The following TENM2 variants were observed in gnomAD, a reference collection of about 807,000 sequenced individuals.
TENM2 encodes the protein teneurin-2.
TENM2 carries 52 observed loss-of-function variants against 245.2 expected under a neutral mutation model. The ratio of observed to expected loss-of-function variants is 0.21; its 90% CI spans 0.17 to 0.27. TENM2 has a LOEUF of 0.27. Ranked by LOEUF, TENM2 falls within the 10% of genes least tolerant of loss-of-function variation. TENM2 has a pLI of 1.00. For synonymous variants in TENM2, 1,363 were observed against 1,438.9 expected (o/e 0.95, Z 1.19); for missense variants, 3,046 against 3,666.8 (o/e 0.83, Z 4.37).
At chr5:167,991,296 T>A (rs1783646992) in intron 4 of TENM2, among the ~76,000 whole-genome samples, 1 of 152,242 alleles carries the variant, frequency 6.6e-6, no homozygotes, top group African/African-American at 2.4e-5. Context: ...ACTTCATTCA[T>A]TCACTCATTC....
chr5:167,842,988 C>T (rs1769690225), intron 2 of TENM2, among the ~76,000 whole-genome samples: 1 of 152,130 alleles, frequency 6.6e-6, no homozygotes. Flanking sequence ...TCCTACATAG[C>T]ACTTACCTCA....
chr5:167,172,254 ATCTTT>A, the TENM2 span, among the ~76,000 whole-genome samples: 1 of 152,206 alleles, frequency 6.6e-6, no homozygotes, highest in Middle Eastern at 3.2e-3. Flanking sequence ...GAAAAGGGTG[ATCTTT>A]TCTTTTCTGA....
intron 2 of TENM2, among the ~76,000 whole-genome samples, chr5:167,519,075 A>G (rs912052070): frequency 2.6e-5 from 4 of 152,146 alleles, no homozygotes; most frequent in African/African-American, 9.6e-5. Flanking sequence ...CAAGGCTTGA[A>G]TCCATAATGT....
chr5:168,214,797 A>C (rs759083104), intron 20 of TENM2: 1 of 599,624 alleles, frequency 1.7e-6, no homozygotes, highest in South Asian at 1.5e-5. Flanking sequence ...ATGAAGCAAC[A>C]GTTGTTTAGC....
intron 2 of TENM2, among the ~76,000 whole-genome samples, chr5:167,667,621 G>A (rs1755658470): frequency 6.6e-6 from 1 of 152,184 alleles, no homozygotes; most frequent in Non-Finnish European, 1.5e-5. Flanking sequence ...GAAGGAGGGA[G>A]GTTGGAGAAA....
At chr5:167,210,611 C>A in the TENM2 span, among the ~76,000 whole-genome samples, 2 of 151,448 alleles carry the variant, frequency 1.3e-5, no homozygotes, top group African/African-American at 4.9e-5. Flanking sequence ...CTACAGGCGC[C>A]CGCCACCGCG....
chr5:167,446,076 ATCT>A (rs1352124692), intron 2 of TENM2, among the ~76,000 whole-genome samples: 1 of 152,196 alleles, frequency 6.6e-6, no homozygotes, highest in African/African-American at 2.4e-5. Context: ...TTCAAAAATT[ATCT>A]TCTTGTTTCC....
chr5:167,554,862 G>GCTCCTCCTC (rs561609926), intron 2 of TENM2, among the ~76,000 whole-genome samples: 5 of 151,380 alleles, frequency 3.3e-5, no homozygotes, highest in African/African-American at 1.2e-4. Flanking sequence ...CTCTCTCTCT[G>GCTCCTCCTC]CTCCTCCTCC....
intron 2 of TENM2, among the ~76,000 whole-genome samples, chr5:167,738,700 G>A (rs2150582329): frequency 6.6e-6 from 1 of 152,238 alleles, no homozygotes; most frequent in South Asian, 2.1e-4. Context: ...GTGTCAGCAG[G>A]TGTGGTTTTT....
intron 27 of TENM2, among the ~76,000 whole-genome samples, chr5:168,254,144 G>A (rs1208358619): frequency 1.3e-5 from 2 of 152,358 alleles, no homozygotes; most frequent in African/African-American, 2.4e-5. Context: ...GAGGGAGAAC[G>A]CGCTTTGGCG....
intron 1 of TENM2, among the ~76,000 whole-genome samples, chr5:167,304,509 A>G (rs1755548949): frequency 6.6e-6 from 1 of 152,228 alleles, no homozygotes; most frequent in Non-Finnish European, 1.5e-5. Context: ...TGTGTAGTGC[A>G]GGACTTCTTG....
chr5:167,629,468 A>G (rs998365349), intron 2 of TENM2, among the ~76,000 whole-genome samples: 2 of 152,214 alleles, frequency 1.3e-5, no homozygotes, highest in African/African-American at 2.4e-5. Context: ...CTCATGCACA[A>G]TGCCATGTTG....
the TENM2 span, among the ~76,000 whole-genome samples, chr5:167,009,021 T>C: frequency 6.6e-6 from 1 of 152,272 alleles, no homozygotes; most frequent in African/African-American, 2.4e-5. Context: ...AGTGTGTGGT[T>C]GTCAAGCATT....
chr5:167,857,235 C>G (rs768685871), intron 2 of TENM2, among the ~76,000 whole-genome samples: 1 of 152,168 alleles, frequency 6.6e-6, no homozygotes, highest in African/African-American at 2.4e-5. Flanking sequence ...GAATGTGGCT[C>G]TTTTTCGTAG....
At chr5:166,997,988 TA>T in the TENM2 span, among the ~76,000 whole-genome samples, 2 of 152,144 alleles carry the variant, frequency 1.3e-5, no homozygotes, top group East Asian at 3.9e-4. Context: ...TATATGTACA[TA>T]ATGTACAAAA....
At chr5:167,410,535 T>G (rs1229368874) in intron 2 of TENM2, among the ~76,000 whole-genome samples, 1 of 139,438 alleles carries the variant, frequency 7.2e-6, no homozygotes, top group Non-Finnish European at 1.6e-5. Context: ...AGAATTCAGC[T>G]TCTGTGTCTT....
chr5:167,845,239 CCA>C (rs55784312), intron 2 of TENM2, among the ~76,000 whole-genome samples: 6,976 of 96,790 alleles, frequency 0.072, 457 homozygotes, highest in East Asian at 0.21. Flanking sequence ...CCCTCCCGCG[CCA>C]CACACACACA....
At chr5:167,937,804 T>C (rs955935842) in intron 3 of TENM2, 1 of 152,110 alleles carries the variant, frequency 6.6e-6, no homozygotes, top group South Asian at 2.1e-4. Context: ...GCGCTCAGAG[T>C]GTTCAAAGAC....
At chr5:168,055,503 C>T (rs78054760) in intron 6 of TENM2, among the ~76,000 whole-genome samples, 1 of 152,264 alleles carries the variant, frequency 6.6e-6, no homozygotes, top group Non-Finnish European at 1.5e-5. Flanking sequence ...TACATGTGAC[C>T]TGTTGTCTGC....
Sources: gnomAD v4.1 joint callset for allele counts (sites outside exome capture counted in the v4.1 genomes callset) on GRCh38, gnomAD v4.1.1 for gene constraint, MANE v1.5 for transcripts, NCBI Gene and HGNC (gene_info 2026-07-23, HGNC 2026-07-21) for gene names.